The following HMGB1 variants were observed in gnomAD, a reference collection of about 807,000 sequenced individuals.
HMGB1 encodes the protein high mobility group box 1, also known as high mobility group protein B1.
For synonymous variants in HMGB1, 81 were observed against 84.0 expected (o/e 0.96, Z 0.19); for missense variants, 79 against 253.5 (o/e 0.31, Z 4.67).
At chr13:30,537,789 C>T (rs930122232) in intron 1 of HMGB1, among the ~76,000 whole-genome samples, 47 of 150,198 alleles carry the variant, frequency 3.1e-4, no homozygotes, top group Admixed American at 4.7e-4. Flanking sequence ...TGTTTCTGTA[C>T]ACGCCCTCTG....
intron 1 of HMGB1, among the ~76,000 whole-genome samples, chr13:30,505,445 T>G (rs1183521250): frequency 6.6e-6 from 1 of 152,102 alleles, no homozygotes; most frequent in Non-Finnish European, 1.5e-5. Context: ...CCCAAAGTGC[T>G]GGGATTACAG....
At chr13:30,577,628 C>A (rs562092496) in intron 1 of HMGB1, among the ~76,000 whole-genome samples, 2 of 152,294 alleles carry the variant, frequency 1.3e-5, no homozygotes, top group African/African-American at 4.8e-5. Context: ...CAGATCACTG[C>A]GGATTAAGTC....
chr13:30,464,188 C>T, intron 1 of HMGB1: 1 of 985,222 alleles, frequency 1.0e-6, no homozygotes, highest in Middle Eastern at 5.2e-4. Flanking sequence ...AAAAAACACC[C>T]TCTTTGCATA....
At chr13:30,575,382 C>T (rs544599337) in intron 1 of HMGB1, among the ~76,000 whole-genome samples, 3 of 152,292 alleles carry the variant, frequency 2.0e-5, no homozygotes, top group South Asian at 2.1e-4. Flanking sequence ...GTTCATATGA[C>T]GCTGTTCCTT....
intron 1 of HMGB1, among the ~76,000 whole-genome samples, chr13:30,581,548 T>G (rs1870901653): frequency 6.6e-6 from 1 of 152,254 alleles, no homozygotes; most frequent in Non-Finnish European, 1.5e-5. Flanking sequence ...ACTTATCATC[T>G]GACCTTTTAC....
chr13:30,476,053 A>G (rs1422955267), intron 1 of HMGB1, among the ~76,000 whole-genome samples: 1 of 151,508 alleles, frequency 6.6e-6, no homozygotes, highest in African/African-American at 2.4e-5. Context: ...ACTTATTGTC[A>G]TCATACAAAC....
chr13:30,514,343 T>A (rs1462242876), intron 1 of HMGB1, among the ~76,000 whole-genome samples: 2 of 140,822 alleles, frequency 1.4e-5, no homozygotes, highest in Admixed American at 1.5e-4. Flanking sequence ...CCTCAGGGTC[T>A]AGTTCAATCT....
rs142161690 is a variant in HMGB1 at position 30,590,495 on chromosome 13, G to C, written c.-15+26176C>G. ...TGAGAATACAGGTGTGAGTCACCACGCCCGGCCTAAACTTAAATTTAAATA... is the reference window on the plus strand; with the variant it reads ...TGAGAATACAGGTGTGAGTCACCACCCCCGGCCTAAACTTAAATTTAAATA... On this transcript the variant is annotated intron_variant, in intron 1 of 4. Coordinates refer to the HMGB1 transcript ENST00000405805. Among the ~76,000 whole-genome samples the C allele has an allele frequency of 3.5e-3, 532 of 152,150 alleles. 2 individuals are homozygous for C. The highest frequency in any genetic ancestry group is 0.011 in the African/African-American group (457 of 41,492).
In HMGB1 at chr13:30,465,928, T is replaced by G. The variant is rs1253691146; in HGVS notation, c.-147A>C. The stretch of plus-strand genomic sequence containing the variant: ...CGCAGCCTCCTCACTCTCTCCGCTC[T>G]GTAACATTACTCTCCAGCCAGCGCG... On this transcript the variant is annotated 5_prime_UTR_variant, in exon 1 of 5. Coordinates refer to ENST00000341423, the MANE Select transcript of HMGB1 (RefSeq NM_002128.7). 1 of 986,022 alleles carries G rather than the reference T, an allele frequency of 1.0e-6. No individual in the cohort carries two copies. The highest frequency in any genetic ancestry group is 1.2e-6 in the Non-Finnish European group (1 of 830,166). 61.1% of individuals were successfully genotyped at this position (986,022 alleles called of 1,614,324 possible).
upstream of HMGB1, among the ~76,000 whole-genome samples, chr13:30,466,519 G>T (rs77924742): frequency 8.5e-5 from 13 of 152,254 alleles, no homozygotes; most frequent in East Asian, 2.5e-3. Context: ...GCTTCTATAA[G>T]AAAGTGACAT....
At chr13:30,525,897 A>G (rs1007214637) in intron 1 of HMGB1, among the ~76,000 whole-genome samples, 11 of 151,954 alleles carry the variant, frequency 7.2e-5, no homozygotes, top group Admixed American at 7.2e-4. Context: ...GGGTTTCGTC[A>G]TGTTGCCCAG....
intron 1 of HMGB1, among the ~76,000 whole-genome samples, chr13:30,587,165 C>T (rs569782573): frequency 2.6e-5 from 4 of 152,286 alleles, no homozygotes; most frequent in Non-Finnish European, 5.9e-5. Context: ...TAGGCTAAAT[C>T]AGTACTGGTG....
chr13:30,502,052 C>A (rs1887746448), intron 1 of HMGB1, among the ~76,000 whole-genome samples: 1 of 152,072 alleles, frequency 6.6e-6, no homozygotes, highest in African/African-American at 2.4e-5. Flanking sequence ...AAGCCAGGAC[C>A]CATTCAGAGT....
intron 1 of HMGB1, among the ~76,000 whole-genome samples, chr13:30,527,009 C>T (rs1257722130): frequency 6.6e-6 from 1 of 152,230 alleles, no homozygotes; most frequent in African/African-American, 2.4e-5. Context: ...TGCAGCTACG[C>T]AGGCTCCTTG....
chr13:30,506,483 C>T (rs1887870105), intron 1 of HMGB1, among the ~76,000 whole-genome samples: 1 of 152,170 alleles, frequency 6.6e-6, no homozygotes, highest in African/African-American at 2.4e-5. Flanking sequence ...GTACCCCAGC[C>T]TGTAGTCCCA....
intron 1 of HMGB1, among the ~76,000 whole-genome samples, chr13:30,602,244 G>A (rs1486389936): frequency 2.0e-5 from 3 of 152,058 alleles, no homozygotes; most frequent in African/African-American, 7.3e-5. Context: ...ACATGTCATC[G>A]GGGACACCAG....
intron 1 of HMGB1, among the ~76,000 whole-genome samples, chr13:30,535,693 C>G (rs965417718): frequency 6.6e-6 from 1 of 152,200 alleles, no homozygotes; most frequent in Non-Finnish European, 1.5e-5. Context: ...AGTTCGAAAC[C>G]AGCCTGGCCA....
intron 1 of HMGB1, among the ~76,000 whole-genome samples, chr13:30,564,767 C>T (rs1870119217): frequency 6.6e-6 from 1 of 152,216 alleles, no homozygotes; most frequent in South Asian, 2.1e-4. Flanking sequence ...ATATAAACAA[C>T]TGTACTCTAT....
intron 1 of HMGB1, among the ~76,000 whole-genome samples, chr13:30,490,923 A>G (rs374694667): frequency 5.9e-5 from 9 of 152,324 alleles, no homozygotes; most frequent in African/African-American, 2.2e-4. Context: ...TCTGTCACGC[A>G]TTCCACTAGA....
Sources: allele counts gnomAD v4.1 joint callset (sites outside exome capture counted in the v4.1 genomes callset), GRCh38; gene constraint gnomAD v4.1.1; transcripts MANE v1.5; gene names NCBI Gene and HGNC (gene_info 2026-07-23, HGNC 2026-07-21).